TMEM232: variants seen among roughly 807,000 people sequenced by gnomAD.
TMEM232 encodes transmembrane protein 232.
Under a neutral mutation model 78.8 loss-of-function variants are expected in TMEM232, and 80 were observed. The ratio of observed to expected loss-of-function variants is 1.01; its 90% CI spans 0.85 to 1.22. The LOEUF (loss-of-function observed/expected upper bound fraction) is 1.22. Among genes scored for constraint, TMEM232 ranks in the 50% most tolerant of loss-of-function variants. The pLI, the probability that TMEM232 is intolerant of heterozygous loss-of-function variation, is 0.00. For synonymous variants in TMEM232, 297 were observed against 254.3 expected (o/e 1.17, Z -1.60); for missense variants, 881 against 742.2 (o/e 1.19, Z -2.17).
intron 12 of TMEM232, among the ~76,000 whole-genome samples, chr5:110,441,495 C>G (rs1759039747): frequency 6.6e-6 from 1 of 152,148 alleles, no homozygotes; most frequent in Non-Finnish European, 1.5e-5. Flanking sequence ...CACCAATAAT[C>G]CCTGCCTCCT....
At chr5:110,488,050 AG>A (rs1465585263) in intron 12 of TMEM232, among the ~76,000 whole-genome samples, 1 of 151,992 alleles carries the variant, frequency 6.6e-6, no homozygotes, top group African/African-American at 2.4e-5. Flanking sequence ...TGGTCTGTTC[AG>A]GGTATCTAAT....
At chr5:110,422,000 A>G (rs1756690977) in intron 13 of TMEM232, among the ~76,000 whole-genome samples, 1 of 151,634 alleles carries the variant, frequency 6.6e-6, no homozygotes, top group South Asian at 2.1e-4. Flanking sequence ...TTAAGGCAAA[A>G]CCTCCAGAAT....
chr5:110,715,601 C>T (rs1422255292), intron 1 of TMEM232, among the ~76,000 whole-genome samples: 1 of 152,078 alleles, frequency 6.6e-6, no homozygotes, highest in African/African-American at 2.4e-5. Context: ...AAGGTGATAC[C>T]TGATGAAAGC....
chr5:110,690,830 T>C (rs6866885), intron 1 of TMEM232, among the ~76,000 whole-genome samples: 6,279 of 152,190 alleles, frequency 0.041, 411 homozygotes, highest in African/African-American at 0.14. Flanking sequence ...TGAAGGGACA[T>C]GGATGAAGCT....
chr5:110,626,223 C>CT lies in TMEM232; in HGVS notation c.602-791dup, dbSNP rs1784408499. 2.0e-5 allele frequency among the ~76,000 whole-genome samples: 3 copies of CT among 151,932 alleles called. No individual in the cohort carries two copies. In the South Asian group the frequency reaches 6.2e-4, roughly 31 times the overall value. Reference sequence around the variant, plus strand: ...AGGAGGGTATATCCTCAATAACAATCTAATATGAGAACTTGAGCTTTTTAC... The same window carrying CT: ...AGGAGGGTATATCCTCAATAACAATCTTAATATGAGAACTTGAGCTTTTTAC... On this transcript the variant is annotated intron_variant, in intron 6 of 13. Coordinates refer to ENST00000455884, the MANE Select transcript of TMEM232 (RefSeq NM_001039763.4).
At position 110,638,216 on chromosome 5, in the gene TMEM232, A is replaced by G. The variant is rs925430644; in HGVS notation, c.483T>C (p.Val161=). The G allele has an allele frequency of 1.9e-6, 3 of 1,542,246 alleles. No individual in the cohort carries two copies. Among genetic ancestry groups the G allele is most frequent in the African/African-American group, 1.4e-5 (1 of 72,678 alleles). Residue 161 remains valine (V), a synonymous_variant, in exon 5 of 14, where the codon GTT becomes GTC. Coordinates refer to ENST00000455884, the MANE Select transcript of TMEM232 (RefSeq NM_001039763.4). The part of the protein sequence containing the change: ...DASLKTYLYS[V]EIKLAKIGYL... ...AACATACCTTTGCTAGCTTTATTTC[A>G]ACTGAATATAAATATGTTTTGAGGG...
intron 1 of TMEM232, among the ~76,000 whole-genome samples, chr5:110,677,545 A>G (rs560598793): frequency 2.6e-5 from 4 of 152,322 alleles, no homozygotes; most frequent in Admixed American, 1.3e-4. Context: ...TTTATATTGC[A>G]GTCTGTAAAA....
intron 12 of TMEM232, among the ~76,000 whole-genome samples, chr5:110,492,727 A>T (rs1049490392): frequency 6.6e-6 from 1 of 152,030 alleles, no homozygotes; most frequent in Non-Finnish European, 1.5e-5. Context: ...ATTAGTCACA[A>T]ATTTCACTAA....
At chr5:110,455,073 A>ATAAAC (rs1209168661) in intron 12 of TMEM232, among the ~76,000 whole-genome samples, 1 of 152,128 alleles carries the variant, frequency 6.6e-6, no homozygotes, top group East Asian at 1.9e-4. Context: ...CTTGAAAGGT[A>ATAAAC]TAAACTATAA....
At chr5:110,563,228 G>A (rs1003507283) in intron 11 of TMEM232, among the ~76,000 whole-genome samples, 5 of 151,892 alleles carry the variant, frequency 3.3e-5, no homozygotes, top group Non-Finnish European at 7.4e-5. Context: ...GACTACTCAA[G>A]TAATGAGGTC....
intron 1 of TMEM232, among the ~76,000 whole-genome samples, chr5:110,675,823 C>G (rs1045970914): frequency 3.9e-5 from 6 of 152,112 alleles, no homozygotes; most frequent in Admixed American, 3.3e-4. Context: ...GAGCCACTTT[C>G]AAGTATGTAT....
In TMEM232 at chr5:110,642,377, T is replaced by A. The variant is rs1786860507; in HGVS notation, c.126-6A>T. ...TTGTGATTGAAAATGTTGGCCTAAA[T>A]AAAACATTGAAAAATTAACATTTAA... is the stretch of plus-strand genomic sequence containing the variant. On this transcript the variant is annotated splice_polypyrimidine_tract_variant and splice_region_variant and intron_variant, in intron 2 of 13. Coordinates refer to ENST00000455884, the MANE Select transcript of TMEM232 (RefSeq NM_001039763.4). 1 of 1,487,956 alleles carries A rather than the reference T, an allele frequency of 6.7e-7. No individual in the cohort carries two copies. The highest frequency in any genetic ancestry group is 1.5e-5 in the African/African-American group (1 of 68,964). 92.2% of individuals were successfully genotyped at this position (1,487,956 alleles called of 1,614,324 possible).
intron 1 of TMEM232, among the ~76,000 whole-genome samples, chr5:110,681,157 T>C (rs908045145): frequency 5.9e-5 from 9 of 152,176 alleles, no homozygotes; most frequent in African/African-American, 1.7e-4. Context: ...ATGGGCTCAC[T>C]GGTTGAAAAC....
chr5:110,525,667 A>G (rs569898268), intron 12 of TMEM232, among the ~76,000 whole-genome samples: 16 of 151,998 alleles, frequency 1.1e-4, no homozygotes, highest in African/African-American at 3.9e-4. Context: ...CTAGATTGTT[A>G]GAAGTAGACA....
intron 12 of TMEM232, among the ~76,000 whole-genome samples, chr5:110,522,933 T>C (rs1769765173): frequency 6.6e-6 from 1 of 152,158 alleles, no homozygotes; most frequent in Admixed American, 6.5e-5. Context: ...TTAAACTAGT[T>C]GGAAGCTTTC....
intron 2 of TMEM232, among the ~76,000 whole-genome samples, chr5:110,655,574 AT>A: frequency 6.8e-6 from 1 of 146,532 alleles, no homozygotes; most frequent in African/African-American, 2.5e-5. Context: ...CCAAAGGACC[AT>A]AAATCATGCT....
At chr5:110,736,981 T>C (rs1218337868) in intron 1 of TMEM232, among the ~76,000 whole-genome samples, 1 of 146,502 alleles carries the variant, frequency 6.8e-6, no homozygotes, top group Non-Finnish European at 1.5e-5. Context: ...GGTCACTTCT[T>C]CAGAGAGGAC....
At chr5:110,688,465 C>T (rs1248779526) in intron 1 of TMEM232, among the ~76,000 whole-genome samples, 1 of 152,114 alleles carries the variant, frequency 6.6e-6, no homozygotes, top group Non-Finnish European at 1.5e-5. Flanking sequence ...AGATACATTT[C>T]CTCTGTTGGA....
At chr5:110,573,803 G>C (rs779561541) in intron 10 of TMEM232, among the ~76,000 whole-genome samples, 3 of 152,052 alleles carry the variant, frequency 2.0e-5, no homozygotes, top group Non-Finnish European at 2.9e-5. Flanking sequence ...ATTTCCAAGA[G>C]TGGAGGATGA....
Sources: gnomAD v4.1 joint callset for allele counts (sites outside exome capture counted in the v4.1 genomes callset) on GRCh38, gnomAD v4.1.1 for gene constraint, MANE v1.5 for transcripts, NCBI Gene and HGNC (gene_info 2026-07-23, HGNC 2026-07-21) for gene names.